Variants in ERN2 observed in about 807,000 individuals in gnomAD.
ERN2 encodes the protein endoplasmic reticulum to nucleus signaling 2.
ERN2 carries 111 observed loss-of-function variants against 107.9 expected under a neutral mutation model. The ratio of observed to expected loss-of-function variants is 1.03; its 90% CI spans 0.88 to 1.20. The LOEUF is 1.20. Ranked by LOEUF, ERN2 falls within the 50% of genes most tolerant of loss-of-function variation. ERN2 has a pLI of 0.00. For missense variants in ERN2, 1,225 were observed against 1,197.9 expected, an observed-to-expected ratio of 1.02 and a Z score of -0.33; for synonymous variants, 524 against 501.7, an observed-to-expected ratio of 1.04 and a Z score of -0.59.
Position 23,706,842 on chromosome 16 carries a change from C to T in ERN2, c.399G>A (p.Trp133Ter), listed in dbSNP as rs1290898775. The change falls in exon 6 of 22, where the codon TGG becomes TGA. Residue 133 changes from tryptophan to a stop codon, truncating the protein, a stop_gained. Transcript: ENST00000256797. LOFTEE classifies it high-confidence loss of function. ...CCCCTGACTCAGGGTCCACCACAAA[C>T]CAGGCATCCTGCTTCCGGCCTGTGG... ...VFYTGRKQDAWFVVDPESGET... is the reference protein window; with the variant it reads ...VFYTGRKQDA The T allele has an allele frequency of 3.1e-6, 5 of 1,613,976 alleles. No homozygotes were observed. The highest frequency in any genetic ancestry group is 4.2e-6 in the Non-Finnish European group (5 of 1,179,860).
rs747115418 is a variant in ERN2 at position 23,692,094 on chromosome 16, G to A, written c.2249-4C>T. On this transcript the variant is annotated splice_polypyrimidine_tract_variant and splice_region_variant and intron_variant, in intron 18 of 21. Transcript: ENST00000256797. ...AGGTCCCGGGCAACCACCTTGTCTG[G>A]AGGATGGAAGAGGAGGAGGAGAGTC... The A allele has an allele frequency of 2.5e-6, 4 of 1,613,776 alleles. No homozygotes were observed. Among genetic ancestry groups the A allele is most frequent in the South Asian group, 2.2e-5 (2 of 91,090 alleles).
intron 7 of ERN2, 143 bp from the exon 8 acceptor site, chr16:23,705,290 A>C: frequency 5.1e-5 from 49 of 954,518 alleles, no homozygotes; most frequent in Non-Finnish European, 7.0e-5. Context: ...GTTGGAGTTC[A>C]TGGAGTCACT....
rs773451955 is a variant in ERN2 at position 23,706,760 on chromosome 16, G to A, written c.481C>T (p.Arg161Ter). 65 of 1,604,732 alleles carry A rather than the reference G, an allele frequency of 4.1e-5. No individual in the cohort carries two copies. The highest frequency in any genetic ancestry group is 1.2e-4 in the Admixed American group (7 of 57,810). Residue 161 changes from arginine to a stop codon, truncating the protein, a stop_gained, in exon 6 of 22, where the codon CGA becomes TGA. Transcript: ENST00000256797. LOFTEE classifies it high-confidence loss of function. Reference sequence around the variant, plus strand: ...CAGCTGGGGCCCAACTCACGTGTTCGGCCAATGTAGAGGCGGGGGGTGGAG... The same window carrying A: ...CAGCTGGGGCCCAACTCACGTGTTCAGCCAATGTAGAGGCGGGGGGTGGAG... Reference protein sequence around the residue: ...GPSTPRLYIGRTQYTVTMHDP... With the variant: ...GPSTPRLYIG
In ERN2 at chr16:23,706,803, T is replaced by A. The variant is rs201246525; in HGVS notation, c.438A>T (p.Thr146=). The A allele has an allele frequency of 6.2e-7, 1 of 1,613,454 alleles. No homozygotes were observed. Among genetic ancestry groups the A allele is most frequent in the East Asian group, 2.2e-5 (1 of 44,864 alleles). The change falls in exon 6 of 22, where the codon ACA becomes ACT. Residue 146 remains threonine, a synonymous_variant. Transcript: ENST00000256797. The part of the protein sequence containing the change: ...VDPESGETQM[T]LTTEGPSTPR... ...GGGTGGAGGGACCCTCTGTGGTCAGTGTCATCTGGGTCTCCCCTGACTCAG... is the reference window on the plus strand; with the variant it reads ...GGGTGGAGGGACCCTCTGTGGTCAGAGTCATCTGGGTCTCCCCTGACTCAG...
intron 12 of ERN2, 22 bp from the exon 13 acceptor site, chr16:23,700,726 G>A (rs776786327): frequency 1.9e-6 from 3 of 1,604,476 alleles, no homozygotes; most frequent in Admixed American, 1.7e-5. Flanking sequence ...GAGCCTAAGA[G>A]AGCTTTGTCC....
intron 19 of ERN2, among the ~76,000 whole-genome samples, 196 bp from the exon 20 acceptor site, chr16:23,691,621 T>G (rs1048354184): frequency 1.3e-5 from 2 of 152,262 alleles, no homozygotes; most frequent in African/African-American, 4.8e-5. Context: ...TTCTACAGAT[T>G]GAGCAAACTG....
chr16:23,710,066 C>A, intron 4 of ERN2, 106 bp downstream of exon 4: 2 of 771,414 alleles, frequency 2.6e-6, no homozygotes, highest in South Asian at 3.1e-5. Context: ...GACTTATATC[C>A]TCTGCAGAAC....
chr16:23,704,862 G>A, intron 8 of ERN2, 21 bp downstream of exon 8: 1 of 1,599,412 alleles, frequency 6.3e-7, no homozygotes. Flanking sequence ...CCCTCCCTGG[G>A]CCCCAGGCAC....
intron 11 of ERN2, among the ~76,000 whole-genome samples, 165 bp downstream of exon 11, chr16:23,701,987 A>AACC: frequency 1.2e-5 from 1 of 83,938 alleles, no homozygotes; most frequent in Middle Eastern, 5.2e-3. Flanking sequence ...CAACAACAAC[A>AACC]ACAACAAGTT....
intron 8 of ERN2, 50 bp downstream of exon 8, chr16:23,704,833 G>T (rs1960229583): frequency 6.3e-7 from 1 of 1,580,962 alleles, no homozygotes; most frequent in Middle Eastern, 2.0e-4. Flanking sequence ...GACCCAGGTT[G>T]CGACACTCCC....
In ERN2 at chr16:23,710,903, TC is replaced by T; in HGVS notation, c.199+9del. 3 of 1,597,090 alleles carry T rather than the reference TC, an allele frequency of 1.9e-6. No individual in the cohort carries two copies. The highest frequency in any genetic ancestry group is 1.7e-6 in the Non-Finnish European group (2 of 1,164,476). On this transcript the variant is annotated intron_variant, in intron 2 of 21. Coordinates refer to ENST00000256797, the MANE Select transcript of ERN2 (RefSeq NM_033266.4). Reference sequence around the variant, plus strand: ...GCCCAAGGAGGGAGGAGGGACCACCTCTTGCTCACCATCCCTCAGAGTCCAC... The same window carrying T: ...GCCCAAGGAGGGAGGAGGGACCACCTTTGCTCACCATCCCTCAGAGTCCAC...
chr16:23,691,067 C>T, intron 21 of ERN2, 24 bp from the exon 22 acceptor site: 1 of 1,613,864 alleles, frequency 6.2e-7, no homozygotes, highest in East Asian at 2.2e-5. Context: ...GAGCAGAGAA[C>T]CCTGGCTCAG....
intron 11 of ERN2, among the ~76,000 whole-genome samples, chr16:23,701,828 G>A (rs1960080751): frequency 6.6e-6 from 1 of 151,784 alleles, no homozygotes; most frequent in African/African-American, 2.4e-5. Flanking sequence ...TAGAGATGGG[G>A]TCTTGTTATA....
Position 23,713,215 on chromosome 16 carries a change from A to G in ERN2, c.-28T>C, listed in dbSNP as rs762831985. ...CGCCTGGGCAGCTGCACGGCTGGCC[A>G]GGTCCCTGGGTGCCTCCAAGGGAGC... On this transcript the variant is annotated 5_prime_UTR_variant, in exon 1 of 22. Coordinates refer to ENST00000256797, the MANE Select transcript of ERN2 (RefSeq NM_033266.4). 6 of 1,579,746 alleles carry G rather than the reference A, an allele frequency of 3.8e-6. No individual in the cohort carries two copies. Among genetic ancestry groups the G allele is most frequent in the Non-Finnish European group, 5.1e-6 (6 of 1,170,278 alleles).
At chr16:23,710,272 C>T (rs370615513) in intron 3 of ERN2, 28 bp from the exon 4 acceptor site, 23 of 1,587,538 alleles carry the variant, frequency 1.4e-5, no homozygotes, top group Non-Finnish European at 1.9e-5. Context: ...ACAAGGAGAC[C>T]AATGGGTTCT....
rs769867270 is a variant in ERN2, at chr16:23,691,389, C to G, written c.2413G>C (p.Glu805Gln). ...SDWLEKESEQ[E>Q]PLVRALEAGG... The stretch of plus-strand genomic sequence containing the variant: ...GCCTCCAGTGCCCTCACCAGGGGCT[C>G]CTGCTCGGACTCCTTCTCCAGCCAG... Residue 805 changes from glutamate to glutamine, a missense_variant, in exon 20 of 22, where the codon GAG (glutamate) becomes CAG (glutamine). Transcript: ENST00000256797. 1.2e-6 allele frequency: 2 copies of G among 1,600,790 alleles called. No individual in the cohort carries two copies.
intron 11 of ERN2, 57 bp downstream of exon 11, chr16:23,702,095 A>AT: frequency 6.4e-7 from 1 of 1,555,674 alleles, no homozygotes; most frequent in Non-Finnish European, 8.7e-7. Flanking sequence ...TCCAAGGGCT[A>AT]TTCCCCCCAT....
chr16:23,694,782 G>T lies in ERN2; in HGVS notation c.2046C>A (p.Gly682=). The change falls in exon 17 of 22, where the codon GGC becomes GGA. Residue 682 remains glycine, a synonymous_variant. Coordinates refer to ENST00000256797, the MANE Select transcript of ERN2 (RefSeq NM_033266.4). ...GCTCGGGCGCCATCCAGCCTTCCGT[G>T]CCGGGGATGCCGGAGTGGAGGCTGA... ...CSFSLHSGIP[G]TEGWMAPELL... The T allele has an allele frequency of 6.2e-7, 1 of 1,613,018 alleles. No homozygotes were observed. Among genetic ancestry groups the T allele is most frequent in the South Asian group, 1.1e-5 (1 of 90,860 alleles).
chr16:23,706,442 C>T lies in ERN2; in HGVS notation c.488-11G>A. 6.4e-7 allele frequency: 1 copy of T among 1,552,532 alleles called. No homozygotes were observed. Among genetic ancestry groups the T allele is most frequent in the Non-Finnish European group, 8.7e-7 (1 of 1,144,842 alleles). On this transcript the variant is annotated splice_polypyrimidine_tract_variant and intron_variant, in intron 6 of 21. Transcript: ENST00000256797. The stretch of plus-strand genomic sequence containing the variant: ...TGGTGACCGTATACTCTGGGGATCC[C>T]AGAAGCAAGATTACCAGGAACGTCC...
Sources: allele counts gnomAD v4.1 joint callset (sites outside exome capture counted in the v4.1 genomes callset), GRCh38; gene constraint gnomAD v4.1.1; transcripts MANE v1.5; gene names NCBI Gene and HGNC (gene_info 2026-07-23, HGNC 2026-07-21).